The following HLCS variants were observed in gnomAD, a reference collection of about 807,000 sequenced individuals.
HLCS encodes the protein holocarboxylase synthetase, also known as biotin--protein ligase.
HLCS carries 53 observed loss-of-function variants against 75.0 expected under a neutral mutation model. The observed-to-expected ratio is 0.71, with a 90% confidence interval of 0.57 to 0.89. The LOEUF is 0.89. HLCS is among the 40% of genes least tolerant of loss of function. The pLI, the probability that HLCS is intolerant of heterozygous loss-of-function variation, is 0.00. For missense variants in HLCS, 966 were observed against 1,074.0 expected (o/e 0.90, Z 1.41); for synonymous variants, 431 against 428.6 (o/e 1.01, Z -0.07).
intron 6 of HLCS, among the ~76,000 whole-genome samples, chr21:36,863,242 A>G (rs1434752184): frequency 1.3e-5 from 2 of 152,298 alleles, no homozygotes; most frequent in East Asian, 3.9e-4. Context: ...AATGATGCAC[A>G]GAGATTTAGA....
intron 6 of HLCS, among the ~76,000 whole-genome samples, chr21:36,784,288 A>C (rs1251651330): frequency 1.3e-5 from 2 of 149,996 alleles, no homozygotes; most frequent in African/African-American, 4.9e-5. Flanking sequence ...TCAAAACAGA[A>C]TTTCAAGGTA....
intron 5 of HLCS, among the ~76,000 whole-genome samples, chr21:36,909,846 C>G (rs1000961552): frequency 3.3e-5 from 5 of 152,168 alleles, no homozygotes; most frequent in African/African-American, 1.2e-4. Context: ...CTTATGATCT[C>G]CATGTATGTT....
At chr21:36,845,278 G>A (rs968844278) in intron 6 of HLCS, among the ~76,000 whole-genome samples, 1 of 152,134 alleles carries the variant, frequency 6.6e-6, no homozygotes, top group Non-Finnish European at 1.5e-5. Context: ...TACCAGGGAG[G>A]TGAGGAATCC....
chr21:36,833,665 G>A (rs1476139857), intron 6 of HLCS, among the ~76,000 whole-genome samples: 1 of 149,856 alleles, frequency 6.7e-6, no homozygotes, highest in East Asian at 1.9e-4. Context: ...AGTAAAGGCA[G>A]AATAAGTTGT....
chr21:36,829,362 T>C (rs1465118455), intron 6 of HLCS, among the ~76,000 whole-genome samples: 1 of 152,232 alleles, frequency 6.6e-6, no homozygotes, highest in Non-Finnish European at 1.5e-5. Context: ...CTCTGTTCAG[T>C]AGCAACTGTT....
chr21:36,796,696 A>G (rs935502120), intron 6 of HLCS, among the ~76,000 whole-genome samples: 2 of 152,176 alleles, frequency 1.3e-5, no homozygotes, highest in African/African-American at 2.4e-5. Context: ...ACTACTTTCA[A>G]TGTTAGCTCT....
At chr21:36,929,121 T>C (rs1365659447) in intron 5 of HLCS, among the ~76,000 whole-genome samples, 2 of 152,140 alleles carry the variant, frequency 1.3e-5, no homozygotes, top group Non-Finnish European at 2.9e-5. Flanking sequence ...GAGAATAACC[T>C]GGGGCAGGGC....
At chr21:36,908,794 A>C (rs2065573241) in intron 5 of HLCS, among the ~76,000 whole-genome samples, 1 of 152,258 alleles carries the variant, frequency 6.6e-6, no homozygotes, top group Non-Finnish European at 1.5e-5. Flanking sequence ...ATATGATTCC[A>C]CTTAGATGAC....
intron 6 of HLCS, among the ~76,000 whole-genome samples, chr21:36,777,381 A>T (rs759795247): frequency 2.6e-5 from 4 of 152,258 alleles, no homozygotes; most frequent in African/African-American, 7.2e-5. Context: ...GTAAAAAAAC[A>T]TGCTTAGCTC....
At chr21:36,850,537 C>T (rs773147029) in intron 6 of HLCS, among the ~76,000 whole-genome samples, 11 of 152,326 alleles carry the variant, frequency 7.2e-5, no homozygotes, top group Non-Finnish European at 8.8e-5. Context: ...CTCCCAGAGG[C>T]CAGCCCCAAT....
At chr21:36,826,043 T>A (rs1406872824) in intron 6 of HLCS, among the ~76,000 whole-genome samples, 1 of 151,960 alleles carries the variant, frequency 6.6e-6, no homozygotes, top group African/African-American at 2.4e-5. Context: ...TTTTTTTAAT[T>A]AGAAACAAAT....
At chr21:36,950,736 A>C (rs1445993275) in intron 2 of HLCS, among the ~76,000 whole-genome samples, 1 of 152,064 alleles carries the variant, frequency 6.6e-6, no homozygotes. Flanking sequence ...TAAGACACAA[A>C]CTATGCCACT....
At chr21:36,857,019 A>G (rs1255356394) in intron 6 of HLCS, among the ~76,000 whole-genome samples, 1 of 152,254 alleles carries the variant, frequency 6.6e-6, no homozygotes, top group Non-Finnish European at 1.5e-5. Flanking sequence ...TGTCCATTGC[A>G]AACAGTGTAA....
rs1007163928 is a variant in HLCS at position 36,842,945 on chromosome 21, C to G, written c.1892+53915G>C. Among the ~76,000 whole-genome samples the G allele has an allele frequency of 6.6e-6, 1 of 152,204 alleles. No individual in the cohort carries two copies. Among genetic ancestry groups the G allele is most frequent in the Non-Finnish European group, 1.5e-5 (1 of 68,034 alleles). ...CAATGATCTCTTTACATTTCTAAGC[C>G]TGGCATCTCTCTGTTGCTTTGCACA... On this transcript the variant is annotated intron_variant, in intron 6 of 10. Transcript: ENST00000674895. The surrounding 1 kb of genome is among the most constrained non-coding windows in gnomAD (Gnocchi z 4.2).
chr21:36,976,917 A>G (rs1263377506), intron 1 of HLCS, among the ~76,000 whole-genome samples: 1 of 152,072 alleles, frequency 6.6e-6, no homozygotes, highest in Admixed American at 6.6e-5. Flanking sequence ...CTTCCCCTCC[A>G]TCTCTCAAAT....
chr21:36,892,458 G>A (rs1160425551), intron 6 of HLCS, among the ~76,000 whole-genome samples: 1 of 152,196 alleles, frequency 6.6e-6, no homozygotes, highest in Non-Finnish European at 1.5e-5. Context: ...GGGGCAGAGA[G>A]CTCGTCTGTT....
rs955923653 is a variant in HLCS at position 36,962,020 on chromosome 21, TA to T, written c.330+15del. On this transcript the variant is annotated intron_variant, in intron 2 of 10. Transcript: ENST00000674895. The stretch of plus-strand genomic sequence containing the variant: ...ACATCAGTTCCTTATGGGACACAAG[TA>T]AACATGGTACTCACTGTTTCTGAAG... 7 of 1,285,526 alleles carry T rather than the reference TA, an allele frequency of 5.4e-6. No individual in the cohort carries two copies. In the African/African-American group the frequency reaches 1.1e-4, roughly 20 times the overall value. The allele number at this position is 1,285,526 out of a possible 1,614,324, so 79.6% of individuals were successfully genotyped here. A position where few individuals can be genotyped will look rare whatever the true frequency, so the allele number is the denominator to read the frequency against.
rs891012337 is a variant in HLCS at position 36,768,463 on chromosome 21, G to A, written c.1893-1178C>T. The stretch of plus-strand genomic sequence containing the variant: ...GGTAAGAGAAGAAAAATACTTAAAA[G>A]CAGAGAGAAACAACACTGTGTCCAC... On this transcript the variant is annotated intron_variant, in intron 6 of 10. Transcript: ENST00000674895. Among the ~76,000 whole-genome samples the A allele has an allele frequency of 3.9e-5, 6 of 152,330 alleles. No individual in the cohort carries two copies. The South Asian group carries it at 8.3e-4, about 21-fold the overall frequency.
At chr21:36,955,559 A>G (rs956958867) in intron 2 of HLCS, among the ~76,000 whole-genome samples, 1 of 152,150 alleles carries the variant, frequency 6.6e-6, no homozygotes, top group Non-Finnish European at 1.5e-5. Context: ...ACAGCTGTAC[A>G]ATGTGTTTGT....
Sources: gnomAD v4.1 joint callset for allele counts (sites outside exome capture counted in the v4.1 genomes callset) on GRCh38, gnomAD v4.1.1 for gene constraint, Gnocchi (gnomAD v3.1) non-coding constraint, MANE v1.5 for transcripts, NCBI Gene and HGNC (gene_info 2026-07-23, HGNC 2026-07-21) for gene names.